GATAD2A: variants seen among roughly 807,000 people sequenced by gnomAD.
GATAD2A encodes GATA zinc finger domain containing 2A.
In GATAD2A, 12 loss-of-function variants were observed where a neutral mutation model predicts 68.5. The ratio of observed to expected loss-of-function variants is 0.18; its 90% CI spans 0.11 to 0.28. The LOEUF is 0.28. Among genes scored for constraint, GATAD2A ranks in the 10% least tolerant of loss-of-function variants. The probability of loss-of-function intolerance (pLI) is 1.00; values close to 1 mark genes in which losing one functional copy is unlikely to be tolerated. For missense variants in GATAD2A, 755 were observed against 868.5 expected, an observed-to-expected ratio of 0.87 and a Z score of 1.64; for synonymous variants, 410 against 375.3, an observed-to-expected ratio of 1.09 and a Z score of -1.07.
intron 2 of GATAD2A, among the ~76,000 whole-genome samples, chr19:19,466,848 C>G (rs939494842): frequency 1.3e-5 from 2 of 152,182 alleles, no homozygotes; most frequent in African/African-American, 4.8e-5. Context: ...TTTCCTTTCT[C>G]TATGTTTTCA....
intron 2 of GATAD2A, among the ~76,000 whole-genome samples, chr19:19,486,983 A>G (rs2046243928): frequency 6.6e-6 from 1 of 152,220 alleles, no homozygotes. Flanking sequence ...AGTCGTTTGA[A>G]GTCCAAGGCT....
intron 8 of GATAD2A, among the ~76,000 whole-genome samples, chr19:19,500,080 G>A (rs561663097): frequency 3.9e-5 from 6 of 152,328 alleles, no homozygotes; most frequent in African/African-American, 7.2e-5. Context: ...TGTCTCTGCC[G>A]TTCCCTCATC....
chr19:19,480,870 G>C (rs1461423964), intron 2 of GATAD2A, among the ~76,000 whole-genome samples: 1 of 152,220 alleles, frequency 6.6e-6, no homozygotes, highest in Non-Finnish European at 1.5e-5. Context: ...CCAGCCACTT[G>C]TGATGCAGAT....
At chr19:19,424,435 G>A (rs1461421441) in intron 1 of GATAD2A, among the ~76,000 whole-genome samples, 2 of 151,890 alleles carry the variant, frequency 1.3e-5, no homozygotes, top group African/African-American at 4.8e-5. Flanking sequence ...TTGCTATTTT[G>A]CCCAGGCTGG....
chr19:19,427,532 A>G (rs1035676700), intron 1 of GATAD2A: 1 of 152,050 alleles, frequency 6.6e-6, no homozygotes, highest in Non-Finnish European at 1.5e-5. Flanking sequence ...CGGATATTCT[A>G]TGGGTTTTCT....
At chr19:19,451,965 A>G (rs538080471) in intron 1 of GATAD2A, among the ~76,000 whole-genome samples, 6 of 152,106 alleles carry the variant, frequency 3.9e-5, no homozygotes, top group Non-Finnish European at 7.4e-5. Context: ...TGGCCTCCCA[A>G]AGTGCTGGGA....
At chr19:19,402,727 TAAC>T (rs1295571532), upstream of GATAD2A, 1 of 148,300 alleles carries the variant, frequency 6.7e-6, no homozygotes, top group East Asian at 2.0e-4. Flanking sequence ...CAGTATTAAT[TAAC>T]AACGGCTATC....
chr19:19,494,757 G>C (rs1350689946), intron 5 of GATAD2A, among the ~76,000 whole-genome samples: 1 of 152,332 alleles, frequency 6.6e-6, no homozygotes, highest in East Asian at 1.9e-4. Flanking sequence ...ATATGGCTGA[G>C]GTCAGAAGAG....
intron 4 of GATAD2A, among the ~76,000 whole-genome samples, chr19:19,492,945 T>C (rs1179116465): frequency 6.6e-6 from 1 of 151,130 alleles, no homozygotes; most frequent in Non-Finnish European, 1.5e-5. Context: ...AGCTCACTTT[T>C]TTTTTTTTTT....
upstream of GATAD2A, among the ~76,000 whole-genome samples, chr19:19,403,049 A>G (rs1196586419): frequency 6.6e-6 from 1 of 152,044 alleles, no homozygotes; most frequent in Non-Finnish European, 1.5e-5. Context: ...CTGGGATTAC[A>G]GACGTGAGCC....
At chr19:19,492,207 C>T in intron 2 of GATAD2A, 99 bp from the exon 3 acceptor site, 1 of 1,253,810 alleles carries the variant, frequency 8.0e-7, no homozygotes, top group Non-Finnish European at 1.1e-6. Flanking sequence ...AGACAGGGAA[C>T]AGACGGGGAG....
intron 8 of GATAD2A, 110 bp from the exon 9 acceptor site, chr19:19,501,008 G>T: frequency 1.0e-6 from 1 of 962,470 alleles, no homozygotes; most frequent in Non-Finnish European, 1.6e-6. Flanking sequence ...GGCATTTGCA[G>T]AACGGACAGA....
At chr19:19,441,137 G>A (rs987916604) in intron 1 of GATAD2A, among the ~76,000 whole-genome samples, 2 of 149,950 alleles carry the variant, frequency 1.3e-5, no homozygotes, top group Non-Finnish European at 3.0e-5. Context: ...CCGCCTTCAC[G>A]TTTCAAGTGA....
intron 1 of GATAD2A, among the ~76,000 whole-genome samples, chr19:19,450,756 A>C (rs867683976): frequency 5.3e-4 from 80 of 151,244 alleles, no homozygotes; most frequent in African/African-American, 1.5e-3. Flanking sequence ...AAAAAAAAAA[A>C]AAAAAACTCT....
chr19:19,497,623 G>C (rs982166310), intron 7 of GATAD2A, among the ~76,000 whole-genome samples: 1 of 152,154 alleles, frequency 6.6e-6, no homozygotes, highest in East Asian at 1.9e-4. Flanking sequence ...TTCTTGGGGG[G>C]TGGGACCCTG....
At chr19:19,469,585 A>G (rs1027449481) in intron 2 of GATAD2A, among the ~76,000 whole-genome samples, 1 of 151,856 alleles carries the variant, frequency 6.6e-6, no homozygotes, top group Admixed American at 6.5e-5. Flanking sequence ...AGCCATGTCA[A>G]TAATGCAGTA....
At chr19:19,396,360 C>T (rs904928700) in intron 1 of GATAD2A, among the ~76,000 whole-genome samples, 3 of 152,138 alleles carry the variant, frequency 2.0e-5, no homozygotes, top group African/African-American at 4.8e-5. Context: ...GAGGTTGGCA[C>T]CTGAGGTTGG....
intron 5 of GATAD2A, 28 bp downstream of exon 5, chr19:19,494,411 G>C: frequency 1.4e-6 from 2 of 1,396,236 alleles, no homozygotes; most frequent in African/African-American, 2.8e-5. Context: ...GTCTCACTGG[G>C]TGCCCTGCTG....
chr19:19,458,942 G>A lies in GATAD2A; in HGVS notation c.-6-6398G>A, dbSNP rs2057181248. Among the ~76,000 whole-genome samples the A allele has an allele frequency of 2.6e-5, 4 of 152,098 alleles. No individual in the cohort carries two copies. In the South Asian group the frequency reaches 8.3e-4, roughly 32 times the overall value. On this transcript the variant is annotated intron_variant, in intron 1 of 11. Transcript: ENST00000683918. ...GAGCCTCCTTCCTCCTCGCCTGGAT[G>A]AGGTACTGTCTTTCTTTGTTAGTTT...
Sources: gnomAD v4.1 joint callset for allele counts (sites outside exome capture counted in the v4.1 genomes callset) on GRCh38, gnomAD v4.1.1 for gene constraint, MANE v1.5 for transcripts, NCBI Gene and HGNC (gene_info 2026-07-23, HGNC 2026-07-21) for gene names.